Variants in PARD6G observed in about 807,000 individuals in gnomAD.
PARD6G encodes partitioning defective 6 homolog gamma.
PARD6G carries 7 observed loss-of-function variants against 10.7 expected under a neutral mutation model. The observed-to-expected ratio is 0.66, with a 90% confidence interval of 0.37 to 1.23. The LOEUF (loss-of-function observed/expected upper bound fraction) is 1.23, where lower values mean the gene tolerates loss of function less well. Among genes scored for constraint, PARD6G ranks in the 50% most tolerant of loss-of-function variants. The pLI is 0.02. For synonymous variants in PARD6G, 287 were observed against 269.4 expected (o/e 1.07, Z -0.64); for missense variants, 548 against 571.8 (o/e 0.96, Z 0.42).
intron 1 of PARD6G, among the ~76,000 whole-genome samples, chr18:80,217,243 C>G (rs548716415): frequency 6.6e-6 from 1 of 152,262 alleles, no homozygotes; most frequent in Admixed American, 6.5e-5. Context: ...ATCCATGACT[C>G]CACAATGATG....
intron 2 of PARD6G, among the ~76,000 whole-genome samples, chr18:80,172,091 T>C (rs1760804684): frequency 6.6e-6 from 1 of 152,220 alleles, no homozygotes; most frequent in African/African-American, 2.4e-5. Context: ...TATGTCTAAC[T>C]GTTTGAGGAA....
chr18:80,193,296 C>G (rs552612265), intron 2 of PARD6G, among the ~76,000 whole-genome samples: 65 of 152,210 alleles, frequency 4.3e-4, no homozygotes, highest in Middle Eastern at 3.4e-3. Flanking sequence ...CAGGAGCTCC[C>G]CAGAGACTCA....
In PARD6G at chr18:80,207,229, A is replaced by C. The variant is rs4798948; in HGVS notation, c.73-4297T>G. 3.2e-3 allele frequency among the ~76,000 whole-genome samples: 187 copies of C among 58,270 alleles called. 9 individuals are homozygous for C. The highest frequency in any genetic ancestry group is 0.012 in the Middle Eastern group (1 of 84). The allele number at this position is 58,270 out of a possible 152,430, so 38.2% of individuals were successfully genotyped here. On this transcript the variant is annotated intron_variant, in intron 1 of 2. Coordinates refer to ENST00000353265, the MANE Select transcript of PARD6G (RefSeq NM_032510.4). ...CTTAACAGTAAATGAAAGATTCTTC[A>C]GATGTTTATTTGGATGGCTAGTGAT...
intron 2 of PARD6G, among the ~76,000 whole-genome samples, chr18:80,165,156 C>G (rs142127625): frequency 0.018 from 2,729 of 152,282 alleles, 86 homozygotes; most frequent in African/African-American, 0.063. Flanking sequence ...GAAGGTTCTG[C>G]AGGAGACCAG....
At chr18:80,245,626 T>C (rs982904691) in intron 1 of PARD6G, among the ~76,000 whole-genome samples, 18 of 152,162 alleles carry the variant, frequency 1.2e-4, no homozygotes, top group African/African-American at 3.6e-4. Flanking sequence ...TCACAGCTAC[T>C]TGTGAATGTA....
chr18:80,233,312 G>T (rs975785683), intron 1 of PARD6G, among the ~76,000 whole-genome samples: 1 of 152,294 alleles, frequency 6.6e-6, no homozygotes, highest in South Asian at 2.1e-4. Context: ...CGCATAGCCG[G>T]TGACTGGAAC....
At position 80,179,401 on chromosome 18, in the gene PARD6G, C is replaced by T. The variant is rs545177543; in HGVS notation, c.296-18795G>A. Among the ~76,000 whole-genome samples, 241 of 152,282 alleles carry T rather than the reference C, an allele frequency of 1.6e-3. 1 individual carries two copies. Among genetic ancestry groups the T allele is most frequent in the African/African-American group, 5.5e-3 (229 of 41,566 alleles). ...CCTAGACTGCAGCAACATGCCCTCCCGCCCACGCCCGCTCCCTTGCCAGGG... is the reference window on the plus strand; with the variant it reads ...CCTAGACTGCAGCAACATGCCCTCCTGCCCACGCCCGCTCCCTTGCCAGGG... On this transcript the variant is annotated intron_variant, in intron 2 of 2. Transcript: ENST00000353265.
At chr18:80,167,480 G>A (rs558554673) in intron 2 of PARD6G, among the ~76,000 whole-genome samples, 12 of 152,268 alleles carry the variant, frequency 7.9e-5, no homozygotes, top group African/African-American at 1.7e-4. Context: ...TCAGGGCCCC[G>A]GAATGGCCTG....
chr18:80,242,360 T>C (rs1336496047), intron 1 of PARD6G, among the ~76,000 whole-genome samples: 1 of 152,184 alleles, frequency 6.6e-6, no homozygotes. Flanking sequence ...AGCCACCCAA[T>C]GGGGAGGCCT....
At position 80,175,087 on chromosome 18, in the gene PARD6G, T is replaced by C. The variant is rs1396572063; in HGVS notation, c.296-14481A>G. Among the ~76,000 whole-genome samples, 1 of 151,722 alleles carries C rather than the reference T, an allele frequency of 6.6e-6. No homozygotes were observed. Among genetic ancestry groups the C allele is most frequent in the Non-Finnish European group, 1.5e-5 (1 of 67,970 alleles). The stretch of plus-strand genomic sequence containing the variant: ...AGAAGACTAAACAGACTGGAGAAAA[T>C]GGATTAAACAAAGCAGAAAGAAAAT... On this transcript the variant is annotated intron_variant, in intron 2 of 2. Transcript: ENST00000353265. The surrounding 1 kb of genome is among the most constrained non-coding windows in gnomAD (Gnocchi z 6.7).
At chr18:80,178,869 T>C (rs11664816) in intron 2 of PARD6G, among the ~76,000 whole-genome samples, 29,782 of 151,908 alleles carry the variant, frequency 0.2, 3,115 homozygotes, top group Middle Eastern at 0.31. Flanking sequence ...CCCAAAACAG[T>C]GTGAAGGTGT....
chr18:80,191,984 C>T (rs1226937262), intron 2 of PARD6G, among the ~76,000 whole-genome samples: 1 of 152,182 alleles, frequency 6.6e-6, no homozygotes, highest in Non-Finnish European at 1.5e-5. Context: ...GCCTCCAAAG[C>T]CAAATCTAAA....
At position 80,159,935 on chromosome 18, in the gene PARD6G, G is replaced by A; in HGVS notation, c.967C>T (p.Leu323Phe). ...PQTPGAPAGS[L>F]SRVNGAGLAQ... is the part of the protein sequence containing the mutation. ...AGGCCCGCGCCATTGACCCGGGAGAGGCTGCCTGCGGGCGCGCCCGGGGTC... is the reference window on the plus strand; with the variant it reads ...AGGCCCGCGCCATTGACCCGGGAGAAGCTGCCTGCGGGCGCGCCCGGGGTC... The change falls in exon 3 of 3, where the codon CTC becomes TTC. Residue 323 changes from leucine (L) to phenylalanine (F), a missense_variant. Around this residue, in one of 2 missense-constraint regions of PARD6G, gnomAD observed 313 missense variants for 279.9 expected, o/e 1.12. Coordinates refer to ENST00000353265, the MANE Select transcript of PARD6G (RefSeq NM_032510.4). 1 of 1,501,728 alleles carries A rather than the reference G, an allele frequency of 6.7e-7. No individual in the cohort carries two copies. The highest frequency in any genetic ancestry group is 8.8e-7 in the Non-Finnish European group (1 of 1,134,188). 93.0% of individuals were successfully genotyped at this position (1,501,728 alleles called of 1,614,324 possible). A position where few individuals can be genotyped will look rare whatever the true frequency, so the allele number is the denominator to read the frequency against.
rs978787375 is a variant in PARD6G, at chr18:80,175,659, C to T, written c.296-15053G>A. ...TCTCTTGCTGAGTGTATCTGAGTCA[C>T]GTTCTCTGTCAGGGCACAACCCTCG... On this transcript the variant is annotated intron_variant, in intron 2 of 2. Coordinates refer to ENST00000353265, the MANE Select transcript of PARD6G (RefSeq NM_032510.4). This position sits in a 1 kb window ranked among gnomAD's most constrained non-coding sequence, Gnocchi z 6.7. 2.6e-5 allele frequency among the ~76,000 whole-genome samples: 4 copies of T among 152,174 alleles called. No homozygotes were observed. Among genetic ancestry groups the T allele is most frequent in the Non-Finnish European group, 4.4e-5 (3 of 68,034 alleles).
intron 2 of PARD6G, among the ~76,000 whole-genome samples, chr18:80,193,455 T>C (rs1966921763): frequency 6.6e-6 from 1 of 152,206 alleles, no homozygotes; most frequent in African/African-American, 2.4e-5. Flanking sequence ...TACTTTTAGG[T>C]ACAGAGCTGT....
rs771441597 is a variant in PARD6G at position 80,160,555 on chromosome 18, C to T, written c.347G>A (p.Arg116Gln). 2.0e-6 allele frequency: 3 copies of T among 1,480,856 alleles called. No homozygotes were observed. Among genetic ancestry groups the T allele is most frequent in the South Asian group, 2.8e-5 (2 of 70,778 alleles). 91.7% of individuals were successfully genotyped at this position (1,480,856 alleles called of 1,614,324 possible). A position where few individuals can be genotyped will look rare whatever the true frequency, so the allele number is the denominator to read the frequency against. The change falls in exon 3 of 3, where the codon CGG (arginine) becomes CAG (glutamine). Residue 116 changes from arginine to glutamine, a missense_variant. Arg to Gln is a conservative substitution (Grantham distance 43). Coordinates refer to ENST00000353265, the MANE Select transcript of PARD6G (RefSeq NM_032510.4). ...TTCATCACGCAGCGCGCCCAGCGCC[C>T]GCCTCCGCCTGCACAGCGAGCCCGC... ...LGAGSLCRRR[R>Q]ALGALRDEGP...
At chr18:80,177,304 GATAA>G (rs2052818201) in intron 2 of PARD6G, among the ~76,000 whole-genome samples, 1 of 119,158 alleles carries the variant, frequency 8.4e-6, no homozygotes, top group South Asian at 2.9e-4. Flanking sequence ...ACACACACGG[GATAA>G]ATCACAGCCC....
In PARD6G at chr18:80,202,754, A is replaced by G. The variant is rs755633317; in HGVS notation, c.251T>C (p.Val84Ala). The change falls in exon 2 of 3, where the codon GTT becomes GCT. Residue 84 changes from valine (V) to alanine (A), a missense_variant. Coordinates refer to ENST00000353265, the MANE Select transcript of PARD6G (RefSeq NM_032510.4). The part of the protein sequence containing the change: ...INNDDNFCKA[V>A]SSANPLLRVF... The stretch of plus-strand genomic sequence containing the variant: ...CCTGAGCAGGGGATTTGCACTAGAA[A>G]CCGCCTTGCAGAAGTTGTCATCATT... The G allele has an allele frequency of 6.2e-7, 1 of 1,613,158 alleles. No individual in the cohort carries two copies.
intron 1 of PARD6G, among the ~76,000 whole-genome samples, chr18:80,209,315 G>A (rs1967084716): frequency 6.6e-6 from 1 of 152,066 alleles, no homozygotes; most frequent in South Asian, 2.1e-4. Context: ...AAATACACAG[G>A]TGTGCAAATT....
Sources: allele counts gnomAD v4.1 joint callset (sites outside exome capture counted in the v4.1 genomes callset), GRCh38; gene constraint gnomAD v4.1.1; regional missense constraint gnomAD v4.1.1; non-coding constraint Gnocchi (gnomAD v3.1); transcripts MANE v1.5; gene names NCBI Gene and HGNC (gene_info 2026-07-23, HGNC 2026-07-21).